Variants in SRGAP3 observed in about 807,000 individuals in gnomAD.
The protein encoded by SRGAP3 is SLIT-ROBO Rho GTPase-activating protein 3.
Under a neutral mutation model 121.1 loss-of-function variants are expected in SRGAP3, and 39 were observed. The observed-to-expected ratio is 0.32, with a 90% CI of 0.25 to 0.42. The LOEUF (loss-of-function observed/expected upper bound fraction) is 0.42, where lower values mean the gene tolerates loss of function less well. SRGAP3 is among the 10% of genes least tolerant of loss of function. The pLI, the probability that SRGAP3 is intolerant of heterozygous loss-of-function variation, is 1.00. For missense variants in SRGAP3, 1,213 were observed against 1,470.6 expected (o/e 0.82, Z 2.86); for synonymous variants, 601 against 570.0 (o/e 1.05, Z -0.77).
intron 3 of SRGAP3, among the ~76,000 whole-genome samples, chr3:9,323,890 C>T (rs1325253125): frequency 6.6e-6 from 1 of 150,942 alleles, no homozygotes; most frequent in African/African-American, 2.4e-5. Context: ...AAAACTTCAG[C>T]GGAATTAAAT....
chr3:9,094,583 T>C (rs1947894956), intron 3 of SRGAP3, among the ~76,000 whole-genome samples: 1 of 152,214 alleles, frequency 6.6e-6, no homozygotes, highest in African/African-American at 2.4e-5. Flanking sequence ...CTTATTTACA[T>C]GTTTCCTGGG....
chr3:9,037,126 C>T (rs1040932734), intron 11 of SRGAP3: 3 of 152,108 alleles, frequency 2.0e-5, no homozygotes, highest in African/African-American at 7.2e-5. Context: ...TGAGGGCTTC[C>T]CAGGATTTGG....
chr3:9,195,076 C>T (rs575771892), intron 1 of SRGAP3, among the ~76,000 whole-genome samples: 349 of 152,312 alleles, frequency 2.3e-3, no homozygotes, highest in Middle Eastern at 0.01. Flanking sequence ...CCACCATGGC[C>T]GACTCCAAGC....
intron 1 of SRGAP3, among the ~76,000 whole-genome samples, chr3:9,129,711 C>T (rs1412095548): frequency 6.6e-6 from 1 of 151,970 alleles, no homozygotes; most frequent in Non-Finnish European, 1.5e-5. Context: ...GCAGATTCTC[C>T]CAGCACATAA....
At chr3:8,986,014 G>C (rs938381467) in intron 21 of SRGAP3, 82 bp from the exon 22 acceptor site, 31 of 1,592,186 alleles carry the variant, frequency 1.9e-5, no homozygotes, top group Non-Finnish European at 2.4e-5. Flanking sequence ...GCTTCCCTTC[G>C]TAGGCAGGTT....
intron 10 of SRGAP3, among the ~76,000 whole-genome samples, chr3:9,045,946 T>TTGGAG (rs1328139744): frequency 6.6e-6 from 1 of 152,144 alleles, no homozygotes; most frequent in East Asian, 1.9e-4. Flanking sequence ...AGCTCCACTC[T>TTGGAG]TGGACTCTCT....
chr3:9,306,948 T>C (rs1955170514), intron 3 of SRGAP3, among the ~76,000 whole-genome samples: 1 of 152,236 alleles, frequency 6.6e-6, no homozygotes, highest in South Asian at 2.1e-4. Context: ...GTAATCATTA[T>C]ACACGGCTCT....
chr3:9,028,599 G>A (rs1223173261), intron 12 of SRGAP3, among the ~76,000 whole-genome samples: 6 of 152,286 alleles, frequency 3.9e-5, no homozygotes, highest in Admixed American at 2.0e-4. Context: ...AATGTCTCTG[G>A]AATTCAGCTC....
chr3:9,300,183 C>CCACCACCATCATCACCACCACCACCAT, intron 3 of SRGAP3, among the ~76,000 whole-genome samples: 1 of 127,570 alleles, frequency 7.8e-6, no homozygotes, highest in Non-Finnish European at 1.6e-5. Flanking sequence ...ATCATCACCA[C>CCACCACCATCATCACCACCACCACCAT]CATCATCACC....
At chr3:9,171,176 G>A (rs1950964132) in intron 1 of SRGAP3, among the ~76,000 whole-genome samples, 1 of 152,340 alleles carries the variant, frequency 6.6e-6, no homozygotes, top group East Asian at 1.9e-4. Flanking sequence ...CTGGAAACCT[G>A]AGGTCCCCTC....
At chr3:9,000,742 A>C (rs1050371995) in intron 18 of SRGAP3, among the ~76,000 whole-genome samples, 5 of 152,204 alleles carry the variant, frequency 3.3e-5, no homozygotes. Flanking sequence ...TTCAGAAACT[A>C]TCCCTATAAT....
chr3:9,047,803 C>T (rs921029103), intron 9 of SRGAP3, among the ~76,000 whole-genome samples: 2 of 152,200 alleles, frequency 1.3e-5, no homozygotes, highest in African/African-American at 4.8e-5. Context: ...AGCAAAGGGC[C>T]TCTTTAGTCA....
chr3:9,328,950 C>T (rs2648556), intron 2 of SRGAP3, among the ~76,000 whole-genome samples: 6,929 of 152,208 alleles, frequency 0.046, 338 homozygotes, highest in East Asian at 0.31. Context: ...CTGCCACAAG[C>T]TTACAAGGTC....
chr3:9,206,308 G>A (rs4686328), intron 1 of SRGAP3, among the ~76,000 whole-genome samples: 4,598 of 152,252 alleles, frequency 0.03, 197 homozygotes, highest in Admixed American at 0.12. Context: ...TACTGAGGAA[G>A]CCAAGGCTTA....
chr3:9,328,750 G>A (rs1055957329), intron 2 of SRGAP3, among the ~76,000 whole-genome samples: 2 of 152,218 alleles, frequency 1.3e-5, no homozygotes, highest in African/African-American at 4.8e-5. Context: ...AACCACCAGT[G>A]TGAAAGGGCA....
At chr3:9,123,437 TGG>T (rs1949098034) in intron 2 of SRGAP3, among the ~76,000 whole-genome samples, 1 of 151,496 alleles carries the variant, frequency 6.6e-6, no homozygotes, top group Non-Finnish European at 1.5e-5. Flanking sequence ...CCGGGTATGG[TGG>T]CTCACATCTG....
rs984974569 is a variant in SRGAP3 at position 9,134,083 on chromosome 3, C to T, written c.68-9166G>A. ...GTTAACAGGTCTGACCCATTAGGAA[C>T]GCCAGCAACTTGCCCTTGGAGGCCT... is the stretch of plus-strand genomic sequence containing the variant. On this transcript the variant is annotated intron_variant, in intron 1 of 21. Coordinates refer to ENST00000383836, the MANE Select transcript of SRGAP3 (RefSeq NM_014850.4). Among the ~76,000 whole-genome samples, 8 of 152,334 alleles carry T rather than the reference C, an allele frequency of 5.3e-5. No individual in the cohort carries two copies. In the South Asian group the frequency reaches 1.0e-3, roughly 20 times the overall value.
chr3:9,171,944 GC>G (rs1950990854), intron 1 of SRGAP3, among the ~76,000 whole-genome samples: 2 of 152,022 alleles, frequency 1.3e-5, no homozygotes, highest in South Asian at 4.2e-4. Context: ...TCTGGGGGCT[GC>G]CTGCAATGTG....
intron 3 of SRGAP3, among the ~76,000 whole-genome samples, chr3:9,103,700 T>C (rs1250133202): frequency 6.6e-6 from 1 of 152,210 alleles, no homozygotes; most frequent in Non-Finnish European, 1.5e-5. Flanking sequence ...ACAAAGAGGA[T>C]GAGTTTCACA....
Sources: allele counts gnomAD v4.1 joint callset (sites outside exome capture counted in the v4.1 genomes callset), GRCh38; gene constraint gnomAD v4.1.1; transcripts MANE v1.5; gene names NCBI Gene and HGNC (gene_info 2026-07-23, HGNC 2026-07-21).